ALG11: variants seen among roughly 807,000 people sequenced by gnomAD.
ALG11 encodes GDP-Man:Man(3)GlcNAc(2)-PP-Dol alpha-1,2-mannosyltransferase.
Under a neutral mutation model 38.8 loss-of-function variants are expected in ALG11, and 26 were observed. The observed-to-expected ratio is 0.67, with a 90% CI of 0.49 to 0.93. ALG11 has a LOEUF of 0.93. ALG11 is among the 40% of genes least tolerant of loss of function. The pLI is 0.00. For missense variants in ALG11, 535 were observed against 578.8 expected (o/e 0.92, Z 0.78); for synonymous variants, 199 against 211.6 (o/e 0.94, Z 0.52).
At chr13:52,020,614 C>G (rs1382432838) in intron 2 of ALG11, 1 of 152,244 alleles carries the variant, frequency 6.6e-6, no homozygotes, top group African/African-American at 2.4e-5. Flanking sequence ...GGTAAAGTTT[C>G]ATGATATCTG....
Position 52,031,148 on chromosome 13 carries a change from C to T in ALG11, c.*2558C>T. On this transcript the variant is annotated 3_prime_UTR_variant, in exon 4 of 4. Transcript: ENST00000521508. Reference sequence around the variant, plus strand: ...GTGACAGTCAGGGGCCCTGATTCCACTTCCTTTGGTCCAGTTTTACTCTGC... The same window carrying T: ...GTGACAGTCAGGGGCCCTGATTCCATTTCCTTTGGTCCAGTTTTACTCTGC... 1 of 1,565,550 alleles carries T rather than the reference C, an allele frequency of 6.4e-7. No individual in the cohort carries two copies. The highest frequency in any genetic ancestry group is 1.2e-5 in the South Asian group (1 of 81,970).
chr13:52,013,665 A>T (rs1367791680), intron 1 of ALG11, among the ~76,000 whole-genome samples: 6 of 152,238 alleles, frequency 3.9e-5, no homozygotes, highest in Non-Finnish European at 8.8e-5. Context: ...TAAGCTTTTG[A>T]AAGAGTGTCC....
intron 3 of ALG11, 44 bp from the exon 4 acceptor site, chr13:52,028,275 C>T (rs776757700): frequency 3.7e-6 from 6 of 1,612,746 alleles, no homozygotes; most frequent in African/African-American, 1.3e-5. Flanking sequence ...TATGAACACA[C>T]TCAAAAACTT....
rs1010446002 is a variant in ALG11, at chr13:52,033,443, T to C, written c.*4853T>C. On this transcript the variant is annotated 3_prime_UTR_variant, in exon 4 of 4. Transcript: ENST00000521508. The stretch of plus-strand genomic sequence containing the variant: ...TACAAAGTCTGTGTCTAAATATTAT[T>C]TAAAGAAGTGATTTTTCATTCTCTT... 1 of 167,142 alleles carries C rather than the reference T, an allele frequency of 6.0e-6. No homozygotes were observed. The highest frequency in any genetic ancestry group is 2.4e-5 in the African/African-American group (1 of 41,464). 10.4% of individuals were successfully genotyped at this position (167,142 alleles called of 1,614,324 possible).
rs182898249 is a variant in ALG11, at chr13:52,030,998, A to C, written c.*2408A>C. On this transcript the variant is annotated 3_prime_UTR_variant, in exon 4 of 4. Coordinates refer to ENST00000521508, the MANE Select transcript of ALG11 (RefSeq NM_001004127.3). ...GCCAGGCCATATCATTAAGCCCATAAAAGCAGAGGATGTGGGCTACCAGTC... is the reference window on the plus strand; with the variant it reads ...GCCAGGCCATATCATTAAGCCCATACAAGCAGAGGATGTGGGCTACCAGTC... 2.3e-5 allele frequency: 37 copies of C among 1,614,178 alleles called. No individual in the cohort carries two copies. The East Asian group carries it at 5.3e-4, about 23-fold the overall frequency.
intron 1 of ALG11, among the ~76,000 whole-genome samples, chr13:52,018,275 T>C (rs1354551093): frequency 6.6e-6 from 1 of 152,220 alleles, no homozygotes; most frequent in Non-Finnish European, 1.5e-5. Flanking sequence ...ACTTTGTGAA[T>C]GAGTTTACTA....
At chr13:52,025,412 A>C (rs1360715270) in intron 3 of ALG11, among the ~76,000 whole-genome samples, 1 of 152,162 alleles carries the variant, frequency 6.6e-6, no homozygotes, top group Non-Finnish European at 1.5e-5. Context: ...ATCCTACAGA[A>C]TGGCCAAATG....
Position 52,029,291 on chromosome 13 carries a change from G to A in ALG11, c.*701G>A, listed in dbSNP as rs1259553954. The A allele has an allele frequency of 1.9e-6, 3 of 1,614,186 alleles. No individual in the cohort carries two copies. In the East Asian group the frequency reaches 6.7e-5, roughly 36 times the overall value. ...GCAGCTGGTTTTTCCCCTGGGGAAG[G>A]AGCAGCCAGCCATTGCTCCCATTGA... On this transcript the variant is annotated 3_prime_UTR_variant, in exon 4 of 4. Transcript: ENST00000521508.
At chr13:52,027,507 GGAT>G (rs1954252899) in intron 3 of ALG11, among the ~76,000 whole-genome samples, 1 of 152,202 alleles carries the variant, frequency 6.6e-6, no homozygotes, top group Admixed American at 6.5e-5. Context: ...TATACATCCA[GGAT>G]GATATCAGCT....
Position 52,032,734 on chromosome 13 carries a change from GAA to G in ALG11, c.*4148_*4149del, listed in dbSNP as rs1196255857. ...TTTTTGTTAGAGATGATCCCATTTAGAAAAAGACTGGTAGAAATTGGAGTGAA... is the reference window on the plus strand; with the variant it reads ...TTTTTGTTAGAGATGATCCCATTTAGAAAGACTGGTAGAAATTGGAGTGAA... On this transcript the variant is annotated 3_prime_UTR_variant, in exon 4 of 4. Transcript: ENST00000521508. 2 of 167,034 alleles carry G rather than the reference GAA, an allele frequency of 1.2e-5. No individual in the cohort carries two copies. The highest frequency in any genetic ancestry group is 1.5e-5 in the Non-Finnish European group (1 of 68,100). 10.3% of individuals were successfully genotyped at this position (167,034 alleles called of 1,614,324 possible).
In ALG11 at chr13:52,012,436, G is replaced by A. The variant is rs1393492365; in HGVS notation, c.18G>A (p.Arg6=). The change falls in exon 1 of 4, where the codon AGG becomes AGA. Residue 6 remains arginine, a synonymous_variant. Coordinates refer to ENST00000521508, the MANE Select transcript of ALG11 (RefSeq NM_001004127.3). ...GGCGGAAGATGGCGGCCGGCGAAAG[G>A]AGCTGGTGCCTGTGCAAGTTGTTGA... The part of the protein sequence containing the change: MAAGE[R]SWCLCKLLRF... The A allele has an allele frequency of 1.9e-6, 3 of 1,614,098 alleles. No homozygotes were observed. The highest frequency in any genetic ancestry group is 2.5e-6 in the Non-Finnish European group (3 of 1,180,046).
At chr13:52,025,351 C>T (rs1217640585) in intron 3 of ALG11, among the ~76,000 whole-genome samples, 1 of 152,152 alleles carries the variant, frequency 6.6e-6, no homozygotes, top group African/African-American at 2.4e-5. Context: ...TTTCTCTCTC[C>T]ATCTAACCCC....
At chr13:52,012,548 A>C in intron 1 of ALG11, 86 bp downstream of exon 1, 1 of 1,577,248 alleles carries the variant, frequency 6.3e-7, no homozygotes, top group Non-Finnish European at 8.7e-7. Flanking sequence ...TTTGCGGGCA[A>C]ATGGCCTTCC....
chr13:52,022,233 T>A (rs1954189689), intron 2 of ALG11: 1 of 152,244 alleles, frequency 6.6e-6, no homozygotes, highest in Non-Finnish European at 1.5e-5. Flanking sequence ...CTGGGCATGG[T>A]GGCACACATC....
In ALG11 at chr13:52,024,319, G is replaced by T. The variant is rs1373419677; in HGVS notation, c.589G>T (p.Val197Phe). 6.2e-7 allele frequency: 1 copy of T among 1,613,990 alleles called. No individual in the cohort carries two copies. The highest frequency in any genetic ancestry group is 8.5e-7 in the Non-Finnish European group (1 of 1,180,032). The change falls in exon 3 of 4, where the codon GTT becomes TTT. Residue 197 changes from valine to phenylalanine, a missense_variant. Coordinates refer to ENST00000521508, the MANE Select transcript of ALG11 (RefSeq NM_001004127.3). ...AGGGGGTTGCCAAGTTGGAAGCTAT[G>T]TTCATTATCCTACTATCAGCACCGA... ...YIGGCQVGSY[V>F]HYPTISTDML...
chr13:52,032,585 A>G lies in ALG11; in HGVS notation c.*3995A>G, dbSNP rs1954316521. Reference sequence around the variant, plus strand: ...CTTTGCAGTCTCCTCTCAGTCATTCATCAATGTGGCCAGCTTATCTACTCC... The same window carrying G: ...CTTTGCAGTCTCCTCTCAGTCATTCGTCAATGTGGCCAGCTTATCTACTCC... On this transcript the variant is annotated 3_prime_UTR_variant, in exon 4 of 4. Transcript: ENST00000521508. 6.0e-6 allele frequency: 1 copy of G among 167,096 alleles called. No individual in the cohort carries two copies. The highest frequency in any genetic ancestry group is 2.4e-5 in the African/African-American group (1 of 41,460). The allele number at this position is 167,096 out of a possible 1,614,324, so 10.4% of individuals were successfully genotyped here. A position where few individuals can be genotyped will look rare whatever the true frequency, so the allele number is the denominator to read the frequency against.
chr13:52,024,479 G>T lies in ALG11; in HGVS notation c.749G>T (p.Cys250Phe), dbSNP rs759404665. 1 of 1,614,152 alleles carries T rather than the reference G, an allele frequency of 6.2e-7. No individual in the cohort carries two copies. The highest frequency in any genetic ancestry group is 1.7e-4 in the Middle Eastern group (1 of 6,060). ...FAFIYGLVGS[C>F]SDVVMVNSSW... ...TTTATTTATGGACTTGTTGGTTCTTGCAGTGATGTAGTCATGGTCAATTCT... is the reference window on the plus strand; with the variant it reads ...TTTATTTATGGACTTGTTGGTTCTTTCAGTGATGTAGTCATGGTCAATTCT... Residue 250 changes from cysteine to phenylalanine, a missense_variant, in exon 3 of 4, where the codon TGC (cysteine) becomes TTC (phenylalanine). Coordinates refer to ENST00000521508, the MANE Select transcript of ALG11 (RefSeq NM_001004127.3).
intron 3 of ALG11, 56 bp from the exon 4 acceptor site, chr13:52,028,263 C>T: frequency 6.2e-7 from 1 of 1,606,676 alleles, no homozygotes; most frequent in South Asian, 1.1e-5. Flanking sequence ...CATCCTCATT[C>T]TTATGAACAC....
At chr13:52,022,218 A>C (rs1046292162) in intron 2 of ALG11, 1 of 152,154 alleles carries the variant, frequency 6.6e-6, no homozygotes, top group African/African-American at 2.4e-5. Context: ...AAATACAAAA[A>C]TTAGCTGGGC....
Sources: allele counts gnomAD v4.1 joint callset (sites outside exome capture counted in the v4.1 genomes callset), GRCh38; gene constraint gnomAD v4.1.1; transcripts MANE v1.5; gene names NCBI Gene and HGNC (gene_info 2026-07-23, HGNC 2026-07-21).